MAGEC3: variants seen among roughly 807,000 people sequenced by gnomAD.
The protein encoded by MAGEC3 is MAGE family member C3.
MAGEC3 carries 34 observed loss-of-function variants against 35.3 expected under a neutral mutation model. That is an observed-to-expected ratio of 0.96 (90% CI 0.73 to 1.28). The LOEUF (loss-of-function observed/expected upper bound fraction) is 1.28. Ranked by LOEUF, MAGEC3 falls within the 50% of genes most tolerant of loss-of-function variation. The probability of loss-of-function intolerance (pLI) is 0.00; values close to 1 mark genes in which losing one functional copy is unlikely to be tolerated. For synonymous variants in MAGEC3, 202 were observed against 185.6 expected (o/e 1.09, Z -0.72); for missense variants, 561 against 483.6 (o/e 1.16, Z -1.50).
rs372500384 is a variant in MAGEC3 at position 141,863,501 on chromosome X, C to G, written c.124-1970C>G. On this transcript the variant is annotated intron_variant, in intron 1 of 7. Transcript: ENST00000298296. ...TAATAATAATATATTAACATACATTCATCAATTGCAGTACGTGTACCACAT... is the reference window on the plus strand; with the variant it reads ...TAATAATAATATATTAACATACATTGATCAATTGCAGTACGTGTACCACAT... Among the ~76,000 whole-genome samples the G allele has an allele frequency of 5.4e-5, 6 of 111,769 alleles. No homozygotes were observed. In the East Asian group the frequency reaches 8.4e-4, roughly 16 times the overall value.
At chrX:141,852,809 T>C (rs1354582757) in intron 1 of MAGEC3, among the ~76,000 whole-genome samples, 3 of 111,566 alleles carry the variant, frequency 2.7e-5, no homozygotes, top group Non-Finnish European at 5.7e-5. Flanking sequence ...TTACTATTTT[T>C]GTATTGCTAG....
At chrX:141,883,187 A>T (rs1261575913) in intron 4 of MAGEC3, among the ~76,000 whole-genome samples, 1 of 112,338 alleles carries the variant, frequency 8.9e-6, no homozygotes, top group Non-Finnish European at 1.9e-5. Flanking sequence ...AAATAAGGCG[A>T]TAATTCCTTG....
chrX:141,843,943 C>T (rs5953630), intron 1 of MAGEC3, among the ~76,000 whole-genome samples: 2,592 of 110,702 alleles, frequency 0.023, 69 homozygotes, highest in African/African-American at 0.08. Flanking sequence ...ATTGCCACCA[C>T]GTTGAACTTT....
intron 1 of MAGEC3, among the ~76,000 whole-genome samples, chrX:141,845,452 A>T (rs2124081985): frequency 9.0e-6 from 1 of 111,222 alleles, no homozygotes; most frequent in African/African-American, 3.2e-5. Context: ...TGCCGAATAA[A>T]AGTCGTAAAT....
chrX:141,888,120 GC>G (rs2018015381), intron 4 of MAGEC3, among the ~76,000 whole-genome samples: 1 of 112,059 alleles, frequency 8.9e-6, no homozygotes, highest in South Asian at 3.7e-4. Context: ...TGGCACAAAT[GC>G]CCAGGGTCTC....
intron 1 of MAGEC3, among the ~76,000 whole-genome samples, chrX:141,863,764 A>G (rs1399229186): frequency 8.9e-6 from 1 of 112,113 alleles, no homozygotes; most frequent in African/African-American, 3.2e-5. Context: ...AAATTAAACC[A>G]CAATAAGATT....
chrX:141,895,892 G>A (rs935413842), intron 6 of MAGEC3, among the ~76,000 whole-genome samples: 2 of 111,431 alleles, frequency 1.8e-5, no homozygotes, highest in Admixed American at 9.4e-5. Flanking sequence ...CAGAACAGAC[G>A]TGAGGCCACC....
In MAGEC3 at chrX:141,879,407, G is replaced by T. The variant is rs1293511803; in HGVS notation, c.491G>T (p.Arg164Met). 1 of 1,181,075 alleles carries T rather than the reference G, an allele frequency of 8.5e-7. No individual in the cohort carries two copies. The highest frequency in any genetic ancestry group is 1.8e-5 in the African/African-American group (1 of 55,885). ...LSLPAVSPGK[R>M]LWGEKAGSLP... ...CTTCCTGCCGTCAGCCCTGGAAAAA[G>T]GTTGTGGGGGGAGAAAGCGGGGAGG... Residue 164 changes from arginine to methionine, a missense_variant, in exon 3 of 8, where the codon AGG (arginine) becomes ATG (methionine). Transcript: ENST00000298296.
chrX:141,894,739 G>A (rs769544403), intron 4 of MAGEC3: 1 of 970,013 alleles, frequency 1.0e-6, no homozygotes, highest in South Asian at 2.0e-5. Context: ...CAACACGGAG[G>A]GAAGGCCCAG....
chrX:141,882,629 T>C (rs1042688723), intron 4 of MAGEC3, among the ~76,000 whole-genome samples: 5 of 112,367 alleles, frequency 4.4e-5, no homozygotes, highest in African/African-American at 1.6e-4. Context: ...GCTTAGCTCA[T>C]TCAAGAAAGT....
chrX:141,862,291 T>C (rs1305032921), intron 1 of MAGEC3, among the ~76,000 whole-genome samples: 3 of 111,455 alleles, frequency 2.7e-5, no homozygotes, highest in Non-Finnish European at 5.7e-5. Flanking sequence ...AATCAGATGC[T>C]GGTGAGGATG....
intron 3 of MAGEC3, among the ~76,000 whole-genome samples, chrX:141,880,241 C>T (rs1293330703): frequency 1.8e-5 from 2 of 111,835 alleles, no homozygotes; most frequent in African/African-American, 3.3e-5. Flanking sequence ...CAACTGCCCC[C>T]GTGGTAGAGT....
At chrX:141,851,360 T>C (rs2017749884) in intron 1 of MAGEC3, among the ~76,000 whole-genome samples, 1 of 110,142 alleles carries the variant, frequency 9.1e-6, no homozygotes, top group Non-Finnish European at 1.9e-5. Flanking sequence ...ATATTAAATA[T>C]TATTATTTTA....
chrX:141,868,951 G>T (rs1032485651), intron 2 of MAGEC3, among the ~76,000 whole-genome samples: 3 of 107,995 alleles, frequency 2.8e-5, no homozygotes, highest in African/African-American at 6.8e-5. Context: ...GTGCTATCTC[G>T]GCTCACTGCA....
chrX:141,894,190 T>C (rs2018065365), intron 4 of MAGEC3, among the ~76,000 whole-genome samples: 1 of 111,912 alleles, frequency 8.9e-6, no homozygotes, highest in Non-Finnish European at 1.9e-5. Flanking sequence ...CAGGGGACTT[T>C]TCGGGTGATG....
chrX:141,876,447 G>A (rs1057334876), intron 2 of MAGEC3, among the ~76,000 whole-genome samples: 1 of 111,491 alleles, frequency 9.0e-6, no homozygotes, highest in Non-Finnish European at 1.9e-5. Flanking sequence ...TGAGACAAGG[G>A]GGCAGAAGTA....
chrX:141,867,558 C>A (rs1490571980), intron 2 of MAGEC3, among the ~76,000 whole-genome samples: 1 of 111,922 alleles, frequency 8.9e-6, no homozygotes, highest in Non-Finnish European at 1.9e-5. Context: ...TGCCTCTAAC[C>A]TAACTTGCCC....
At chrX:141,891,723 A>T (rs1405304198) in intron 4 of MAGEC3, among the ~76,000 whole-genome samples, 1 of 104,689 alleles carries the variant, frequency 9.6e-6, no homozygotes, top group Non-Finnish European at 1.9e-5. Flanking sequence ...AAATATATAT[A>T]TTTATATATG....
Position 141,865,450 on chromosome X carries a change from CCT to C in MAGEC3, c.124-20_124-19del. ...GAGGTTGCCCCAGCCTAGTCCTGCC[CCT>C]GATATTTGACCTGAGTAGCCCCGGA... On this transcript the variant is annotated intron_variant, in intron 1 of 7. Transcript: ENST00000298296. The C allele has an allele frequency of 8.3e-7, 1 of 1,198,374 alleles. No homozygotes were observed. The highest frequency in any genetic ancestry group is 1.8e-5 in the South Asian group (1 of 54,103).
Sources: allele counts gnomAD v4.1 joint callset (sites outside exome capture counted in the v4.1 genomes callset), GRCh38; gene constraint gnomAD v4.1.1; transcripts MANE v1.5; gene names NCBI Gene and HGNC (gene_info 2026-07-23, HGNC 2026-07-21).